L2HGDH: variants seen among roughly 807,000 people sequenced by gnomAD.
L2HGDH encodes the protein L-2-hydroxyglutarate dehydrogenase, also known as L-2-hydroxyglutarate dehydrogenase, mitochondrial.
A neutral mutation model predicts 51.5 loss-of-function variants in L2HGDH; 34 were observed. That is an observed-to-expected ratio of 0.66 (90% confidence interval 0.50 to 0.88). L2HGDH has a LOEUF of 0.88. Ranked by LOEUF, L2HGDH falls within the 40% of genes least tolerant of loss-of-function variation. The pLI is 0.00. For missense variants in L2HGDH, 558 were observed against 571.9 expected (o/e 0.98, Z 0.25); for synonymous variants, 198 against 197.9 (o/e 1.00, Z -0.01).
chr14:50,312,126 C>A lies in L2HGDH; in HGVS notation c.25G>T (p.Val9Phe), dbSNP rs908217242. The change falls in exon 1 of 10, where the codon GTT (valine) becomes TTT (phenylalanine). Residue 9 changes from valine (V) to phenylalanine (F), a missense_variant. Val to Phe is a conservative substitution (Grantham distance 50, BLOSUM62 -1). Coordinates refer to ENST00000267436, the MANE Select transcript of L2HGDH (RefSeq NM_024884.3). ...CCGCGGGCCCGTCCGCAGGCACCAA[C>A]CAAATAACGCAGCGCTGGCACCATC... MVPALRYL[V>F]GACGRARGLF... 5 of 1,610,372 alleles carry A rather than the reference C, an allele frequency of 3.1e-6. No homozygotes were observed. Among genetic ancestry groups the A allele is most frequent in the African/African-American group, 1.3e-5 (1 of 75,014 alleles).
chr14:50,258,945 A>G (rs1474053806), intron 9 of L2HGDH, among the ~76,000 whole-genome samples: 1 of 150,874 alleles, frequency 6.6e-6, no homozygotes, highest in Admixed American at 6.6e-5. Context: ...GGCTCAAGCA[A>G]TTCTCTTGCC....
chr14:50,310,212 G>C (rs2139236224), intron 1 of L2HGDH, among the ~76,000 whole-genome samples: 1 of 151,870 alleles, frequency 6.6e-6, no homozygotes, highest in Non-Finnish European at 1.5e-5. Flanking sequence ...GGGTACATGG[G>C]ATCTCTTTGT....
At chr14:50,267,677 A>T (rs1889422902) in intron 8 of L2HGDH, 76 bp downstream of exon 8, 1 of 1,077,892 alleles carries the variant, frequency 9.3e-7, no homozygotes, top group East Asian at 2.6e-5. Flanking sequence ...CAATAAGTAG[A>T]GTATCAAGAA....
At chr14:50,277,203 T>G (rs951633308) in intron 6 of L2HGDH, among the ~76,000 whole-genome samples, 1 of 127,776 alleles carries the variant, frequency 7.8e-6, no homozygotes, top group East Asian at 3.4e-4. Context: ...ACTGTTTTTT[T>G]TTTGTTTTTT....
chr14:50,262,744 C>T (rs768893089), intron 9 of L2HGDH, among the ~76,000 whole-genome samples: 17 of 151,964 alleles, frequency 1.1e-4, no homozygotes, highest in African/African-American at 2.7e-4. Flanking sequence ...TGGTATCAAA[C>T]GTATCTTCCC....
chr14:50,243,442 T>A lies in L2HGDH; in HGVS notation c.*3616A>T. The stretch of plus-strand genomic sequence containing the variant: ...TAAAAAAATTTATTTGCATAAAAGT[T>A]TTTATGGAACTAAAAAATATGTTCT... On this transcript the variant is annotated 3_prime_UTR_variant, in exon 10 of 10. Transcript: ENST00000267436. 1.1e-6 allele frequency: 1 copy of A among 908,916 alleles called. No individual in the cohort carries two copies. Among genetic ancestry groups the A allele is most frequent in the Non-Finnish European group, 1.3e-6 (1 of 760,564 alleles). The allele number at this position is 908,916 out of a possible 1,614,324, so 56.3% of individuals were successfully genotyped here.
At chr14:50,281,004 G>A (rs1210845487) in intron 5 of L2HGDH, among the ~76,000 whole-genome samples, 1 of 128,950 alleles carries the variant, frequency 7.8e-6, no homozygotes, top group Non-Finnish European at 1.7e-5. Flanking sequence ...TTTTGTAGAG[G>A]CAGGGTCTCG....
At chr14:50,269,493 G>A (rs1012161179) in intron 6 of L2HGDH, among the ~76,000 whole-genome samples, 163 bp from the exon 7 acceptor site, 2 of 152,132 alleles carry the variant, frequency 1.3e-5, no homozygotes. Context: ...TAGCATTTAG[G>A]TGGCAGCTAG....
intron 6 of L2HGDH, among the ~76,000 whole-genome samples, chr14:50,271,789 CT>C (rs1226568509): frequency 6.6e-6 from 1 of 152,172 alleles, no homozygotes; most frequent in Non-Finnish European, 1.5e-5. Context: ...AGATTCCCCC[CT>C]CCCCATATCC....
intron 3 of L2HGDH, among the ~76,000 whole-genome samples, chr14:50,300,752 G>T (rs1595143123): frequency 6.6e-6 from 1 of 152,120 alleles, no homozygotes; most frequent in African/African-American, 2.4e-5. Context: ...TTGAAGCCAG[G>T]AGTTTGAGAC....
In L2HGDH at chr14:50,308,049, A is replaced by C. The variant is rs1055988046; in HGVS notation, c.140+3962T>G. ...TGGAAAAAAATACTAGTAACTGCAT[A>C]TCTCCCAAAGGACTCATACATAAAA... On this transcript the variant is annotated intron_variant, in intron 1 of 9. Transcript: ENST00000267436. Among the ~76,000 whole-genome samples the C allele has an allele frequency of 3.3e-5, 5 of 152,344 alleles. No individual in the cohort carries two copies. In the South Asian group the frequency reaches 6.2e-4, roughly 19 times the overall value.
At chr14:50,308,684 GAA>G (rs1386397535) in intron 1 of L2HGDH, among the ~76,000 whole-genome samples, 1 of 152,200 alleles carries the variant, frequency 6.6e-6, no homozygotes, top group Non-Finnish European at 1.5e-5. Flanking sequence ...AGCCACTCTG[GAA>G]AAGAGTATGG....
At position 50,302,132 on chromosome 14, in the gene L2HGDH, T is replaced by A. The variant is rs267607206; in HGVS notation, c.293A>T (p.His98Leu). ...CTCAGGTTTATAATAAATTCCACTATGTATGACACCACTGTTATGTCCAGT... is the reference window on the plus strand; with the variant it reads ...CTCAGGTTTATAATAAATTCCACTAAGTATGACACCACTGTTATGTCCAGT... ...HQTGHNSGVI[H>L]SGIYYKPESL... The change falls in exon 3 of 10, where the codon CAT (histidine) becomes CTT (leucine). Residue 98 changes from histidine (H) to leucine (L), a missense_variant. Transcript: ENST00000267436. 6.2e-7 allele frequency: 1 copy of A among 1,614,136 alleles called. No individual in the cohort carries two copies. Among genetic ancestry groups the A allele is most frequent in the African/African-American group, 1.3e-5 (1 of 75,030 alleles).
At chr14:50,259,636 T>C (rs1246061115) in intron 9 of L2HGDH, among the ~76,000 whole-genome samples, 1 of 151,568 alleles carries the variant, frequency 6.6e-6, no homozygotes, top group Non-Finnish European at 1.5e-5. Flanking sequence ...CAGACCAGCA[T>C]GGCCAACATA....
At chr14:50,281,922 C>A (rs1890293881) in intron 5 of L2HGDH, among the ~76,000 whole-genome samples, 1 of 152,168 alleles carries the variant, frequency 6.6e-6, no homozygotes, top group South Asian at 2.1e-4. Flanking sequence ...CTCACCGTAA[C>A]CTCCACCTCC....
At chr14:50,290,745 C>A (rs1207653963) in intron 4 of L2HGDH, among the ~76,000 whole-genome samples, 3 of 152,004 alleles carry the variant, frequency 2.0e-5, no homozygotes, top group Non-Finnish European at 4.4e-5. Flanking sequence ...CTCACTGCAA[C>A]CTCCGCCTCC....
intron 1 of L2HGDH, among the ~76,000 whole-genome samples, chr14:50,307,627 C>A (rs1386440692): frequency 2.0e-5 from 3 of 152,296 alleles, no homozygotes; most frequent in East Asian, 1.9e-4. Flanking sequence ...TTCAATGAAG[C>A]CCCACATATA....
intron 4 of L2HGDH, among the ~76,000 whole-genome samples, chr14:50,291,910 G>A (rs1400442344): frequency 6.6e-6 from 1 of 152,086 alleles, no homozygotes; most frequent in East Asian, 1.9e-4. Context: ...GGTATAAAAA[G>A]TCCAAAAGAA....
chr14:50,278,731 T>C (rs547409567), intron 5 of L2HGDH, among the ~76,000 whole-genome samples, 177 bp from the exon 6 acceptor site: 11 of 152,364 alleles, frequency 7.2e-5, no homozygotes, highest in African/African-American at 2.6e-4. Context: ...CTTAACAACA[T>C]ATAAAACTCC....
Sources: allele counts gnomAD v4.1 joint callset (sites outside exome capture counted in the v4.1 genomes callset), GRCh38; gene constraint gnomAD v4.1.1; transcripts MANE v1.5; gene names NCBI Gene and HGNC (gene_info 2026-07-23, HGNC 2026-07-21).